The following SDK1 variants were observed in gnomAD, a reference collection of about 807,000 sequenced individuals.
The protein encoded by SDK1 is protein sidekick-1.
In SDK1, 157 loss-of-function variants were observed where a neutral mutation model predicts 245.5. The ratio of observed to expected loss-of-function variants is 0.64; its 90% confidence interval spans 0.56 to 0.73. SDK1 has a LOEUF of 0.73. Ranked by LOEUF, SDK1 falls within the 30% of genes least tolerant of loss-of-function variation. The pLI, the probability that SDK1 is intolerant of heterozygous loss-of-function variation, is 0.00. For synonymous variants in SDK1, 1,647 were observed against 1,278.5 expected (o/e 1.29, Z -6.15); for missense variants, 3,583 against 3,002.3 (o/e 1.19, Z -4.52).
At position 3,950,983 on chromosome 7, in the gene SDK1, G is replaced by A. The variant is rs371890587; in HGVS notation, c.908G>A (p.Ser303Asn). Reference sequence around the variant, plus strand: ...ATTGTGGTTCCCCCGGGCAACAGAAGTGTGGTGGCTGGATCCAGTGAGACC... The same window carrying A: ...ATTGTGGTTCCCCCGGGCAACAGAAATGTGGTGGCTGGATCCAGTGAGACC... ...PTIVVPPGNR[S>N]VVAGSSETTL... The change falls in exon 6 of 45, where the codon AGT (serine) becomes AAT (asparagine). Residue 303 changes from serine (S) to asparagine (N), a missense_variant. Ser to Asn is a conservative substitution (Grantham distance 46). Coordinates refer to ENST00000404826, the MANE Select transcript of SDK1 (RefSeq NM_152744.4). The A allele has an allele frequency of 9.9e-6, 16 of 1,614,040 alleles. No individual in the cohort carries two copies. In the African/African-American group the frequency reaches 1.2e-4, roughly 12 times the overall value.
intron 1 of SDK1, among the ~76,000 whole-genome samples, chr7:3,579,948 A>C (rs1307776768): frequency 6.6e-6 from 1 of 152,216 alleles, no homozygotes; most frequent in Non-Finnish European, 1.5e-5. Context: ...GCAAAGTTTC[A>C]GGATACAAAA....
At chr7:3,758,970 T>C (rs910675188) in intron 4 of SDK1, among the ~76,000 whole-genome samples, 1 of 152,204 alleles carries the variant, frequency 6.6e-6, no homozygotes, top group African/African-American at 2.4e-5. Context: ...CATTCTGTTT[T>C]CCTCCCTTGG....
intron 2 of SDK1, among the ~76,000 whole-genome samples, chr7:3,626,488 C>T (rs1445362200): frequency 2.0e-5 from 3 of 152,240 alleles, no homozygotes; most frequent in Admixed American, 2.0e-4. Context: ...GTATGCATAA[C>T]TCTCAGCCTG....
At chr7:4,124,904 A>G (rs1332367970) in intron 25 of SDK1, among the ~76,000 whole-genome samples, 2 of 150,986 alleles carry the variant, frequency 1.3e-5, no homozygotes, top group Non-Finnish European at 1.5e-5. Flanking sequence ...GGATGGATGG[A>G]TGGATGGATG....
At chr7:4,160,020 A>G (rs1258263095) in intron 31 of SDK1, among the ~76,000 whole-genome samples, 1 of 152,206 alleles carries the variant, frequency 6.6e-6, no homozygotes, top group Non-Finnish European at 1.5e-5. Context: ...TGCAGGTTAC[A>G]TGCAAATACT....
chr7:3,969,072 A>G (rs756347040), intron 10 of SDK1, among the ~76,000 whole-genome samples, 185 bp from the exon 11 acceptor site: 1 of 152,154 alleles, frequency 6.6e-6, no homozygotes, highest in East Asian at 1.9e-4. Context: ...TCACGGGGGA[A>G]CCACCCTCAG....
intron 5 of SDK1, among the ~76,000 whole-genome samples, chr7:3,860,276 C>T (rs61245884): frequency 0.053 from 8,067 of 152,066 alleles, 690 homozygotes; most frequent in African/African-American, 0.18. Context: ...TGGAAGAAAA[C>T]ATTTGCAACA....
intron 1 of SDK1, chr7:3,302,403 G>A (rs765589690): frequency 1.3e-5 from 2 of 152,140 alleles, no homozygotes; most frequent in Non-Finnish European, 2.9e-5. Context: ...ACCCCAAGTG[G>A]GTGCTGCGCG....
At chr7:3,649,769 A>G (rs1782950221) in intron 4 of SDK1, among the ~76,000 whole-genome samples, 1 of 152,150 alleles carries the variant, frequency 6.6e-6, no homozygotes, top group Non-Finnish European at 1.5e-5. Context: ...TCCTAAGTCC[A>G]CACCGTTCCA....
chr7:4,127,886 T>G (rs888093805), intron 26 of SDK1, among the ~76,000 whole-genome samples: 5 of 152,184 alleles, frequency 3.3e-5, no homozygotes, highest in African/African-American at 1.2e-4. Flanking sequence ...GGTGTGAGAA[T>G]TCAGGGGGTC....
chr7:3,604,257 G>C (rs558877101), intron 1 of SDK1, among the ~76,000 whole-genome samples: 1 of 152,150 alleles, frequency 6.6e-6, no homozygotes, highest in East Asian at 1.9e-4. Context: ...CAGAAGGATT[G>C]GTACCAGCTC....
chr7:3,475,661 A>G (rs968981999), intron 1 of SDK1, among the ~76,000 whole-genome samples: 3 of 152,232 alleles, frequency 2.0e-5, no homozygotes, highest in Non-Finnish European at 4.4e-5. Context: ...CCCCCTCCAG[A>G]TGAAAGTCCA....
intron 28 of SDK1, among the ~76,000 whole-genome samples, chr7:4,137,864 T>C (rs1305341541): frequency 6.6e-6 from 1 of 152,198 alleles, no homozygotes; most frequent in Non-Finnish European, 1.5e-5. Flanking sequence ...CTGAACACCA[T>C]CTATCATTAT....
chr7:3,947,762 C>T (rs1018980404), intron 5 of SDK1, among the ~76,000 whole-genome samples: 5 of 151,676 alleles, frequency 3.3e-5, no homozygotes, highest in Admixed American at 6.6e-5. Flanking sequence ...TTGAAAGTAT[C>T]ATGAAGTGGT....
chr7:3,903,360 G>C (rs926425066), intron 5 of SDK1, among the ~76,000 whole-genome samples: 2 of 152,034 alleles, frequency 1.3e-5, no homozygotes, highest in Non-Finnish European at 1.5e-5. Context: ...AGCCAGGATG[G>C]TCTCGATCAT....
chr7:3,511,482 G>A (rs529962630), intron 1 of SDK1, among the ~76,000 whole-genome samples: 12 of 152,120 alleles, frequency 7.9e-5, no homozygotes, highest in Non-Finnish European at 1.6e-4. Flanking sequence ...AAATTTTCCT[G>A]TTTAATGAAC....
At chr7:3,693,105 A>C (rs920608806) in intron 4 of SDK1, among the ~76,000 whole-genome samples, 1 of 152,120 alleles carries the variant, frequency 6.6e-6, no homozygotes, top group Non-Finnish European at 1.5e-5. Context: ...ATCTTATGTA[A>C]TAGTGTAGAC....
intron 1 of SDK1, among the ~76,000 whole-genome samples, chr7:3,473,838 C>T (rs1052370258): frequency 1.2e-4 from 18 of 152,028 alleles, no homozygotes; most frequent in African/African-American, 4.3e-4. Flanking sequence ...TATGGTCTGC[C>T]TATATTTTTC....
chr7:3,338,060 G>C (rs1361699378), intron 1 of SDK1: 1 of 175,100 alleles, frequency 5.7e-6, no homozygotes, highest in Non-Finnish European at 1.2e-5. Flanking sequence ...AAATATTTAA[G>C]ACATGCTTAA....
Sources: allele counts gnomAD v4.1 joint callset (sites outside exome capture counted in the v4.1 genomes callset), GRCh38; gene constraint gnomAD v4.1.1; transcripts MANE v1.5; gene names NCBI Gene and HGNC (gene_info 2026-07-23, HGNC 2026-07-21).